Variants in ZNF385D observed in about 807,000 individuals in gnomAD.
ZNF385D encodes zinc finger protein 659.
In ZNF385D, 15 loss-of-function variants were observed where a neutral mutation model predicts 35.8. That is an observed-to-expected ratio of 0.42 (90% CI 0.28 to 0.64). ZNF385D has a LOEUF of 0.64. ZNF385D is among the 30% of genes least tolerant of loss of function. ZNF385D has a pLI of 0.23. For missense variants in ZNF385D, 474 were observed against 494.6 expected, an observed-to-expected ratio of 0.96 and a Z score of 0.39; for synonymous variants, 212 against 186.8, an observed-to-expected ratio of 1.13 and a Z score of -1.10.
chr3:21,900,709 G>T (rs563249228), intron 3 of ZNF385D, among the ~76,000 whole-genome samples: 25 of 152,166 alleles, frequency 1.6e-4, no homozygotes, highest in Admixed American at 3.3e-4. Flanking sequence ...CAATATAAAA[G>T]ACATACAATA....
intron 3 of ZNF385D, among the ~76,000 whole-genome samples, chr3:21,873,262 CAT>C (rs1410588731): frequency 1.3e-5 from 2 of 150,442 alleles, no homozygotes; most frequent in Admixed American, 6.6e-5. Context: ...CATACAGAAT[CAT>C]ATGTTATAAC....
At chr3:21,609,987 T>G (rs1404203377) in intron 2 of ZNF385D, among the ~76,000 whole-genome samples, 1 of 152,316 alleles carries the variant, frequency 6.6e-6, no homozygotes, top group Middle Eastern at 3.4e-3. Context: ...CCCACTTTTC[T>G]TAAACTAAGC....
At chr3:21,913,895 G>T (rs532982141) in intron 3 of ZNF385D, among the ~76,000 whole-genome samples, 63 of 152,152 alleles carry the variant, frequency 4.1e-4, no homozygotes, top group Non-Finnish European at 6.5e-4. Flanking sequence ...AGGATTTGTT[G>T]GTTGGTTATT....
At chr3:21,450,889 C>T (rs1016014530) in intron 4 of ZNF385D, among the ~76,000 whole-genome samples, 7 of 152,102 alleles carry the variant, frequency 4.6e-5, no homozygotes, top group African/African-American at 1.4e-4. Flanking sequence ...TAAGAGTTTC[C>T]TTTCTGGCTG....
At chr3:21,440,145 A>C (rs1701783135) in intron 4 of ZNF385D, among the ~76,000 whole-genome samples, 1 of 152,108 alleles carries the variant, frequency 6.6e-6, no homozygotes, top group South Asian at 2.1e-4. Context: ...TGACTTATTC[A>C]AAGAAAGTCA....
chr3:22,189,045 T>C lies in ZNF385D; in HGVS notation c.107-20010A>G, dbSNP rs145394440. On this transcript the variant is annotated intron_variant, in intron 2 of 5. Coordinates refer to the ZNF385D transcript ENST00000494108. ...CTTAGCAGAAAAACCAGCATTTTTTTTTCTCTTCATTAGGTGTACAATCCA... is the reference window on the plus strand; with the variant it reads ...CTTAGCAGAAAAACCAGCATTTTTTCTTCTCTTCATTAGGTGTACAATCCA... Among the ~76,000 whole-genome samples the C allele has an allele frequency of 2.5e-3, 385 of 152,132 alleles. 2 individuals carry two copies. Among genetic ancestry groups the C allele is most frequent in the African/African-American group, 9.0e-3 (375 of 41,526 alleles).
At chr3:21,736,371 TA>T (rs1345421495) in intron 1 of ZNF385D, among the ~76,000 whole-genome samples, 2 of 152,212 alleles carry the variant, frequency 1.3e-5, no homozygotes, top group African/African-American at 2.4e-5. Flanking sequence ...ATTATTTTTT[TA>T]AAAAGTATGG....
chr3:21,880,312 A>G (rs1028892598), intron 3 of ZNF385D, among the ~76,000 whole-genome samples: 6 of 151,998 alleles, frequency 3.9e-5, no homozygotes, highest in African/African-American at 1.4e-4. Flanking sequence ...TGCTGTGTCA[A>G]GCTTCTATTG....
At chr3:21,463,147 A>G (rs1050639564) in intron 4 of ZNF385D, among the ~76,000 whole-genome samples, 1 of 152,296 alleles carries the variant, frequency 6.6e-6, no homozygotes, top group East Asian at 1.9e-4. Flanking sequence ...ATTTTATTAG[A>G]TGTAGTAATT....
At chr3:22,372,043 C>G (rs1405446770) in intron 2 of ZNF385D, among the ~76,000 whole-genome samples, 1 of 152,128 alleles carries the variant, frequency 6.6e-6, no homozygotes, top group Non-Finnish European at 1.5e-5. Flanking sequence ...TCGCACACAC[C>G]CAATGAAAGA....
At chr3:21,821,589 T>C (rs990353866) in intron 3 of ZNF385D, among the ~76,000 whole-genome samples, 3 of 152,312 alleles carry the variant, frequency 2.0e-5, no homozygotes, top group South Asian at 2.1e-4. Context: ...AAAAAATTTA[T>C]TGTACTTATG....
intron 3 of ZNF385D, among the ~76,000 whole-genome samples, chr3:21,834,951 G>C (rs1575744937): frequency 6.6e-6 from 1 of 152,156 alleles, no homozygotes; most frequent in East Asian, 1.9e-4. Context: ...TGAGTCAATT[G>C]AATCTCTTTT....
intron 3 of ZNF385D, among the ~76,000 whole-genome samples, chr3:22,063,501 G>A (rs993925891): frequency 6.6e-6 from 1 of 152,116 alleles, no homozygotes; most frequent in African/African-American, 2.4e-5. Context: ...TGTAAAATGA[G>A]TATAACACTT....
At chr3:21,488,338 GACACACAGAC>G (rs1325529146) in intron 4 of ZNF385D, among the ~76,000 whole-genome samples, 7 of 71,244 alleles carry the variant, frequency 9.8e-5, no homozygotes, top group African/African-American at 1.9e-4. Flanking sequence ...GCTACACACA[GACACACAGAC>G]ACACACACAC....
chr3:22,272,877 A>G (rs1428535044), intron 2 of ZNF385D, among the ~76,000 whole-genome samples: 3 of 151,974 alleles, frequency 2.0e-5, no homozygotes, highest in Non-Finnish European at 4.4e-5. Context: ...TAGTTTCTCA[A>G]TATTTTACTT....
At chr3:21,730,680 A>G (rs1314701911) in intron 1 of ZNF385D, among the ~76,000 whole-genome samples, 3 of 152,254 alleles carry the variant, frequency 2.0e-5, no homozygotes, top group Non-Finnish European at 4.4e-5. Context: ...CAAGTCTAAC[A>G]ACTGCTCATG....
chr3:21,998,427 CTTTACT>C (rs1475083499), intron 3 of ZNF385D, among the ~76,000 whole-genome samples: 1 of 152,208 alleles, frequency 6.6e-6, no homozygotes, highest in Non-Finnish European at 1.5e-5. Flanking sequence ...AAAATTCCAT[CTTTACT>C]TTTAGTGTCA....
chr3:22,272,820 A>C (rs1003289144), intron 2 of ZNF385D, among the ~76,000 whole-genome samples: 5 of 151,990 alleles, frequency 3.3e-5, no homozygotes, highest in African/African-American at 1.2e-4. Context: ...GTATCTTTTA[A>C]AATACATATT....
chr3:22,358,153 A>G (rs917451501), intron 2 of ZNF385D, among the ~76,000 whole-genome samples: 1 of 151,906 alleles, frequency 6.6e-6, no homozygotes, highest in Admixed American at 6.6e-5. Context: ...TAATACTGAA[A>G]AGAGACTTTT....
Sources: gnomAD v4.1 joint callset for allele counts (sites outside exome capture counted in the v4.1 genomes callset) on GRCh38, gnomAD v4.1.1 for gene constraint, MANE v1.5 for transcripts, NCBI Gene and HGNC (gene_info 2026-07-23, HGNC 2026-07-21) for gene names.